OR1J2: variants seen among roughly 807,000 people sequenced by gnomAD.
OR1J2 encodes the protein olfactory receptor family 1 subfamily J member 2.
For missense variants in OR1J2, 304 were observed against 246.1 expected, an observed-to-expected ratio of 1.24 and a Z score of -1.57; for synonymous variants, 142 against 99.7, an observed-to-expected ratio of 1.42 and a Z score of -2.52.
chr9:122,511,412 T>A lies in OR1J2; in HGVS notation c.611T>A (p.Val204Glu), dbSNP rs1429601368. The change falls in exon 1 of 1, where the codon GTG becomes GAG. Residue 204 changes from valine (V) to glutamate (E), a missense_variant. By Grantham distance (121) the Val-to-Glu change is moderately radical (BLOSUM62 -2). Transcript: ENST00000335302. ...LNELVMFTVG[V>E]VVITLPFMCI... ...GAGCTGGTCATGTTCACAGTAGGGG[T>A]GGTGGTCATTACCCTGCCATTCATG... 1 of 767,570 alleles carries A rather than the reference T, an allele frequency of 1.3e-6. No homozygotes were observed. Among genetic ancestry groups the A allele is most frequent in the Non-Finnish European group, 2.4e-6 (1 of 411,970 alleles). 47.5% of individuals were successfully genotyped at this position (767,570 alleles called of 1,614,324 possible).
chr9:122,566,815 T>C, the OR1J2 span, among the ~76,000 whole-genome samples: 6 of 152,332 alleles, frequency 3.9e-5, no homozygotes, highest in East Asian at 9.6e-4. Flanking sequence ...TCACACATTT[T>C]AAACACATAG....
the OR1J2 span, among the ~76,000 whole-genome samples, chr9:122,531,249 A>G: frequency 6.6e-6 from 1 of 152,066 alleles, no homozygotes; most frequent in Admixed American, 6.6e-5. Context: ...GAATTATTGG[A>G]AGGAGGTTCA....
chr9:122,509,584 A>G (rs1828593280), upstream of OR1J2, among the ~76,000 whole-genome samples: 1 of 152,212 alleles, frequency 6.6e-6, no homozygotes, highest in Admixed American at 6.5e-5. Context: ...CAAGAAATCC[A>G]CAACCACCAA....
At chr9:122,545,983 T>G in the OR1J2 span, among the ~76,000 whole-genome samples, 2 of 152,208 alleles carry the variant, frequency 1.3e-5, no homozygotes, top group East Asian at 3.9e-4. Flanking sequence ...GAGTGTCTAT[T>G]ATAGTTATTC....
At chr9:122,571,116 C>T in the OR1J2 span, among the ~76,000 whole-genome samples, 2 of 152,318 alleles carry the variant, frequency 1.3e-5, no homozygotes, top group East Asian at 3.9e-4. Context: ...CACAAATACA[C>T]AACTGACAAA....
the OR1J2 span, among the ~76,000 whole-genome samples, chr9:122,478,481 T>G: frequency 6.6e-6 from 1 of 152,238 alleles, no homozygotes; most frequent in African/African-American, 2.4e-5. Context: ...TGCATGATTA[T>G]TTCTAATTTA....
the OR1J2 span, among the ~76,000 whole-genome samples, chr9:122,571,032 C>T: frequency 7.9e-5 from 12 of 152,188 alleles, no homozygotes; most frequent in Admixed American, 6.5e-5. Flanking sequence ...TAAAGCTATA[C>T]ATATCTTACA....
At chr9:122,519,310 C>A in the OR1J2 span, 26 of 1,614,106 alleles carry the variant, frequency 1.6e-5, no homozygotes, top group Admixed American at 6.7e-5. Context: ...CACCTTCACA[C>A]CCCCATGTTC....
At chr9:122,554,202 C>T in the OR1J2 span, 1 of 1,481,398 alleles carries the variant, frequency 6.8e-7, no homozygotes, top group Non-Finnish European at 9.2e-7. Flanking sequence ...TGATCAACCC[C>T]TCCCTGTCTT....
At chr9:122,459,906 G>A in the OR1J2 span, among the ~76,000 whole-genome samples, 1 of 151,798 alleles carries the variant, frequency 6.6e-6, no homozygotes, top group Non-Finnish European at 1.5e-5. Context: ...AAAAATAATT[G>A]CGGGTTTTGC....
chr9:122,456,852 TCAG>T, the OR1J2 span, among the ~76,000 whole-genome samples: 1 of 152,184 alleles, frequency 6.6e-6, no homozygotes, highest in Non-Finnish European at 1.5e-5. Context: ...ATCATTTGGA[TCAG>T]CAATCCCATT....
At chr9:122,577,826 A>G in the OR1J2 span, among the ~76,000 whole-genome samples, 1 of 152,210 alleles carries the variant, frequency 6.6e-6, no homozygotes, top group Non-Finnish European at 1.5e-5. Flanking sequence ...ACATTAAGCC[A>G]TGTACATTCT....
chr9:122,470,370 C>T, the OR1J2 span, among the ~76,000 whole-genome samples: 2 of 152,166 alleles, frequency 1.3e-5, no homozygotes, highest in Admixed American at 6.5e-5. Context: ...TGGTGTTGAG[C>T]CTGTGGGTGC....
At chr9:122,534,775 G>C in the OR1J2 span, among the ~76,000 whole-genome samples, 1 of 152,114 alleles carries the variant, frequency 6.6e-6, no homozygotes, top group Non-Finnish European at 1.5e-5. Flanking sequence ...GATTTCGGAC[G>C]ATTTGCATTG....
the OR1J2 span, among the ~76,000 whole-genome samples, chr9:122,500,719 G>C: frequency 1.3e-5 from 2 of 152,180 alleles, no homozygotes; most frequent in Admixed American, 6.5e-5. Context: ...ATTTGTAGGG[G>C]AGAAGTCAAC....
chr9:122,488,428 C>T, the OR1J2 span, among the ~76,000 whole-genome samples: 5 of 152,326 alleles, frequency 3.3e-5, no homozygotes, highest in Middle Eastern at 3.4e-3. Flanking sequence ...CGTGAGCCAC[C>T]GCTCCTGGCC....
chr9:122,457,074 A>G, the OR1J2 span, among the ~76,000 whole-genome samples: 11 of 152,188 alleles, frequency 7.2e-5, no homozygotes, highest in Non-Finnish European at 1.3e-4. Context: ...CTTTGCAGGG[A>G]CATGGGTGGA....
At chr9:122,453,295 A>G in the OR1J2 span, among the ~76,000 whole-genome samples, 3 of 152,294 alleles carry the variant, frequency 2.0e-5, no homozygotes, top group African/African-American at 4.8e-5. Context: ...ACATTGCTTC[A>G]TCATATTTCT....
the OR1J2 span, among the ~76,000 whole-genome samples, chr9:122,497,280 C>G: frequency 6.6e-6 from 1 of 152,152 alleles, no homozygotes; most frequent in Admixed American, 6.5e-5. Context: ...ATGTGAGTCC[C>G]CACGTGCTTC....
Sources: allele counts gnomAD v4.1 joint callset (sites outside exome capture counted in the v4.1 genomes callset), GRCh38; gene constraint gnomAD v4.1.1; transcripts MANE v1.5; gene names NCBI Gene and HGNC (gene_info 2026-07-23, HGNC 2026-07-21).